TNRC18: variants seen among roughly 807,000 people sequenced by gnomAD.
The protein encoded by TNRC18 is trinucleotide repeat containing 18.
Under a neutral mutation model 226.7 loss-of-function variants are expected in TNRC18, and 69 were observed. The observed-to-expected ratio is 0.30, with a 90% CI of 0.25 to 0.37. The LOEUF is 0.37. Among genes scored for constraint, TNRC18 ranks in the 10% least tolerant of loss-of-function variants. The probability of loss-of-function intolerance (pLI) is 1.00; values close to 1 mark genes in which losing one functional copy is unlikely to be tolerated. For missense variants in TNRC18, 4,754 were observed against 4,256.6 expected, an observed-to-expected ratio of 1.12 and a Z score of -3.25; for synonymous variants, 2,449 against 1,927.6, an observed-to-expected ratio of 1.27 and a Z score of -7.09.
At chr7:5,417,324 G>C (rs2128223004) in intron 2 of TNRC18, among the ~76,000 whole-genome samples, 1 of 152,188 alleles carries the variant, frequency 6.6e-6, no homozygotes, top group Admixed American at 6.5e-5. Context: ...CAAAAACTTA[G>C]CAGGGCATGG....
chr7:5,316,481 G>T (rs1037310513), intron 24 of TNRC18, among the ~76,000 whole-genome samples: 3 of 151,970 alleles, frequency 2.0e-5, no homozygotes, highest in African/African-American at 7.3e-5. Context: ...GTTTCTCCAT[G>T]TTGGTCAGGC....
intron 19 of TNRC18, among the ~76,000 whole-genome samples, chr7:5,330,538 C>A (rs1282071447): frequency 2.0e-5 from 3 of 151,966 alleles, no homozygotes; most frequent in East Asian, 3.9e-4. Context: ...CGCAGCCAGT[C>A]TGGTGCCTGT....
chr7:5,409,698 C>T (rs1438654011), intron 2 of TNRC18, among the ~76,000 whole-genome samples: 1 of 151,758 alleles, frequency 6.6e-6, no homozygotes, highest in Non-Finnish European at 1.5e-5. Flanking sequence ...CAAAAGAAGG[C>T]CAGGCGCAGT....
intron 3 of TNRC18, 105 bp from the exon 4 acceptor site, chr7:5,390,733 A>G (rs2128197868): frequency 7.4e-7 from 1 of 1,353,046 alleles, no homozygotes; most frequent in Non-Finnish European, 9.8e-7. Context: ...GACCGCTGGT[A>G]CAGGGCGCCT....
In TNRC18 at chr7:5,390,619, T is replaced by C; in HGVS notation, c.353A>G (p.His118Arg). 3 of 1,575,318 alleles carry C rather than the reference T, an allele frequency of 1.9e-6. No homozygotes were observed. The highest frequency in any genetic ancestry group is 2.6e-6 in the Non-Finnish European group (3 of 1,160,800). ...GGATGGGTACAGCCCACTGGGCAGG[T>C]GGGAGAAGCCTGTAACAGAAAAGAG... ...WAAHAHEGFSHLPSGLYPSYL... is the reference protein window; with the variant it reads ...WAAHAHEGFSRLPSGLYPSYL... The change falls in exon 4 of 30, where the codon CAC becomes CGC. Residue 118 changes from histidine (H) to arginine (R), a missense_variant. Coordinates refer to ENST00000430969, the MANE Select transcript of TNRC18 (RefSeq NM_001080495.3).
intron 19 of TNRC18, among the ~76,000 whole-genome samples, chr7:5,328,372 AT>A (rs887658598): frequency 2.6e-5 from 4 of 151,450 alleles, no homozygotes; most frequent in Non-Finnish European, 5.9e-5. Context: ...CACGAAAATA[AT>A]TTTTTTTTAA....
At chr7:5,399,602 A>G (rs1780937863) in intron 2 of TNRC18, among the ~76,000 whole-genome samples, 1 of 151,716 alleles carries the variant, frequency 6.6e-6, no homozygotes, top group African/African-American at 2.4e-5. Context: ...GCTACTCAGG[A>G]GGCTGAGGCA....
intron 2 of TNRC18, among the ~76,000 whole-genome samples, chr7:5,408,970 C>T (rs1781664082): frequency 6.6e-6 from 1 of 152,192 alleles, no homozygotes; most frequent in African/African-American, 2.4e-5. Context: ...GAATCATCAA[C>T]CTTAACATGC....
chr7:5,319,531 C>T (rs760391676), intron 24 of TNRC18, among the ~76,000 whole-genome samples: 22 of 152,036 alleles, frequency 1.4e-4, no homozygotes, highest in Admixed American at 9.8e-4. Flanking sequence ...TTTTTTGAGA[C>T]GTAGTCTCAC....
chr7:5,369,914 G>A (rs1457129275), intron 11 of TNRC18, among the ~76,000 whole-genome samples: 3 of 152,116 alleles, frequency 2.0e-5, no homozygotes, highest in South Asian at 2.1e-4. Flanking sequence ...AAAAATGCTC[G>A]AGATGGAACA....
At chr7:5,420,682 G>A (rs921166796) in intron 2 of TNRC18, 2 of 498,608 alleles carry the variant, frequency 4.0e-6, no homozygotes, top group Non-Finnish European at 7.8e-6. Context: ...AAAGATTCGA[G>A]CTCGGGGAGC....
Position 5,332,903 on chromosome 7 carries a change from T to G in TNRC18, c.5866A>C (p.Ser1956Arg). 1 of 1,535,070 alleles carries G rather than the reference T, an allele frequency of 6.5e-7. No individual in the cohort carries two copies. Among genetic ancestry groups the G allele is most frequent in the Admixed American group, 2.0e-5 (1 of 50,126 alleles). The part of the protein sequence containing the change: ...PTPGARGPDP[S>R]SPDKAKLAVE... ...GCCAGCTTGGCCTTGTCTGGGCTGC[T>G]GGGGTCGGGACCGCGGGCGCCAGGC... Residue 1956 changes from serine to arginine, a missense_variant, in exon 19 of 30, where the codon AGC (serine) becomes CGC (arginine). By Grantham distance (110) the Ser-to-Arg change is moderately radical. Coordinates refer to ENST00000430969, the MANE Select transcript of TNRC18 (RefSeq NM_001080495.3).
At chr7:5,404,777 T>C (rs1462449409) in intron 2 of TNRC18, among the ~76,000 whole-genome samples, 1 of 151,538 alleles carries the variant, frequency 6.6e-6, no homozygotes. Flanking sequence ...TGTGTGTGTG[T>C]GTGTGTGTGT....
rs1787010269 is a variant in TNRC18, at chr7:5,309,975, A to C, written c.8389-607T>G. Reference sequence around the variant, plus strand: ...TCACCCAGGCAGGACTGCAGTGGTAATATCATAGCTCACTGCAGCCTCGAT... The same window carrying C: ...TCACCCAGGCAGGACTGCAGTGGTACTATCATAGCTCACTGCAGCCTCGAT... On this transcript the variant is annotated intron_variant, in intron 27 of 29. Transcript: ENST00000430969. The surrounding 1 kb of genome is among the most constrained non-coding windows in gnomAD (Gnocchi z 5.7). Among the ~76,000 whole-genome samples the C allele has an allele frequency of 6.6e-6, 1 of 151,966 alleles. No individual in the cohort carries two copies.
At chr7:5,313,914 T>G (rs1302135285) in intron 26 of TNRC18, 51 bp from the exon 27 acceptor site, 3 of 1,417,302 alleles carry the variant, frequency 2.1e-6, no homozygotes, top group Non-Finnish European at 2.8e-6. Context: ...CTGGCAGAGA[T>G]GAGCTGTGGC....
chr7:5,307,688 A>G lies in TNRC18; in HGVS notation c.*418T>C. On this transcript the variant is annotated 3_prime_UTR_variant, in exon 30 of 30. Coordinates refer to ENST00000430969, the MANE Select transcript of TNRC18 (RefSeq NM_001080495.3). ...CATGCTAAGGGTGCTTGGGAAGCCC[A>G]GAGTGAGCGTCAGTTTGGTTCCTTA... 1 of 335,498 alleles carries G rather than the reference A, an allele frequency of 3.0e-6. No homozygotes were observed. The highest frequency in any genetic ancestry group is 6.0e-6 in the Non-Finnish European group (1 of 167,770). The allele number at this position is 335,498 out of a possible 1,614,324, so 20.8% of individuals were successfully genotyped here.
chr7:5,345,282 G>A (rs1229420957), intron 18 of TNRC18, among the ~76,000 whole-genome samples: 3 of 152,202 alleles, frequency 2.0e-5, no homozygotes, highest in Non-Finnish European at 4.4e-5. Flanking sequence ...AGCTCCCGCA[G>A]CCCCTCAAGT....
chr7:5,345,517 G>GCCTCCCCCCCC, intron 18 of TNRC18, 45 bp downstream of exon 18: 2 of 377,744 alleles, frequency 5.3e-6, no homozygotes, highest in Non-Finnish European at 4.8e-6. Flanking sequence ...AATGGCGTCC[G>GCCTCCCCCCCC]CCCCTCCCAC....
Position 5,374,131 on chromosome 7 carries a change from A to G in TNRC18, c.3153T>C (p.Ala1051=), listed in dbSNP as rs1343467168. ...PTPGITRKEE[A]PENVVEKKDL... is the part of the protein sequence containing the mutation. The stretch of plus-strand genomic sequence containing the variant: ...CTTTCTTCTCGACCACATTCTCGGG[A>G]GCCTCCTCCTTGCGGGTGATACCCG... Residue 1051 remains alanine (A), a synonymous_variant, in exon 10 of 30, where the codon GCT becomes GCC. Coordinates refer to ENST00000430969, the MANE Select transcript of TNRC18 (RefSeq NM_001080495.3). The G allele has an allele frequency of 2.8e-6, 4 of 1,443,106 alleles. No individual in the cohort carries two copies. Among genetic ancestry groups the G allele is most frequent in the Non-Finnish European group, 3.7e-6 (4 of 1,085,276 alleles). 89.4% of individuals were successfully genotyped at this position (1,443,106 alleles called of 1,614,324 possible).
Sources: gnomAD v4.1 joint callset for allele counts (sites outside exome capture counted in the v4.1 genomes callset) on GRCh38, gnomAD v4.1.1 for gene constraint, Gnocchi (gnomAD v3.1) non-coding constraint, MANE v1.5 for transcripts, NCBI Gene and HGNC (gene_info 2026-07-23, HGNC 2026-07-21) for gene names.